Variants in LOC128092252 observed in about 807,000 individuals in gnomAD.
chr15:50,658,687 A>C, the LOC128092252 span, among the ~76,000 whole-genome samples: 3 of 152,236 alleles, frequency 2.0e-5, no homozygotes, highest in Non-Finnish European at 4.4e-5. Context: ...TACCCATCAA[A>C]ATAAAAAACG....
At chr15:50,650,947 T>C in the LOC128092252 span, among the ~76,000 whole-genome samples, 1 of 152,154 alleles carries the variant, frequency 6.6e-6, no homozygotes, top group Non-Finnish European at 1.5e-5. Context: ...CTAGTATTTT[T>C]GAAAATGGAG....
the LOC128092252 span, among the ~76,000 whole-genome samples, chr15:50,650,101 G>A: frequency 6.8e-6 from 1 of 147,310 alleles, no homozygotes; most frequent in Admixed American, 7.0e-5. Flanking sequence ...GCTGAGGCAG[G>A]AGAATCACTT....
At chr15:50,675,249 A>G in the LOC128092252 span, among the ~76,000 whole-genome samples, 8 of 152,230 alleles carry the variant, frequency 5.3e-5, no homozygotes, top group African/African-American at 1.7e-4. Flanking sequence ...AGGCTGAGGC[A>G]GGAGAATCGA....
the LOC128092252 span, among the ~76,000 whole-genome samples, chr15:50,681,928 T>A: frequency 6.6e-6 from 1 of 152,100 alleles, no homozygotes; most frequent in Non-Finnish European, 1.5e-5. Flanking sequence ...ACGCCTGTAA[T>A]CCCAGCACTT....
chr15:50,676,187 T>C, the LOC128092252 span, among the ~76,000 whole-genome samples: 1 of 152,172 alleles, frequency 6.6e-6, no homozygotes, highest in African/African-American at 2.4e-5. Flanking sequence ...CACCTTACTC[T>C]CTAAACAAAT....
the LOC128092252 span, among the ~76,000 whole-genome samples, chr15:50,654,610 G>A: frequency 6.6e-6 from 1 of 151,446 alleles, no homozygotes; most frequent in African/African-American, 2.4e-5. Context: ...GTCATAATGA[G>A]AGTGCACATG....
chr15:50,681,264 T>TACACACACAC, the LOC128092252 span, among the ~76,000 whole-genome samples: 1,384 of 147,008 alleles, frequency 9.4e-3, 17 homozygotes, highest in South Asian at 0.022. Context: ...AATAAATAAA[T>TACACACACAC]ACACACACAC....
At chr15:50,677,466 C>T in the LOC128092252 span, among the ~76,000 whole-genome samples, 3 of 152,036 alleles carry the variant, frequency 2.0e-5, no homozygotes, top group African/African-American at 7.2e-5. Context: ...AGAGGCTGGG[C>T]GTGGTGGCTC....
the LOC128092252 span, among the ~76,000 whole-genome samples, chr15:50,664,709 G>A: frequency 1.3e-5 from 2 of 152,184 alleles, no homozygotes; most frequent in Non-Finnish European, 2.9e-5. Context: ...GCTCACGCCT[G>A]TAACCCCAGC....
the LOC128092252 span, among the ~76,000 whole-genome samples, chr15:50,652,987 C>T: frequency 1.3e-5 from 2 of 152,152 alleles, no homozygotes; most frequent in African/African-American, 4.8e-5. Context: ...TGGCAAAACT[C>T]CTTCTCTACA....
the LOC128092252 span, chr15:50,662,981 G>C: frequency 2.0e-4 from 318 of 1,613,100 alleles, no homozygotes; most frequent in Admixed American, 2.0e-4. Context: ...GAGGGTCCTT[G>C]GAACTTGGTA....
the LOC128092252 span, among the ~76,000 whole-genome samples, chr15:50,681,748 T>C: frequency 2.6e-5 from 4 of 152,216 alleles, no homozygotes; most frequent in Non-Finnish European, 1.5e-5. Context: ...GCTGGATAGT[T>C]AAGGTGTTAT....
the LOC128092252 span, among the ~76,000 whole-genome samples, chr15:50,685,157 T>C: frequency 1.3e-5 from 2 of 152,240 alleles, no homozygotes; most frequent in African/African-American, 4.8e-5. Context: ...AATGTATCTT[T>C]GCAAGTTTGA....
the LOC128092252 span, among the ~76,000 whole-genome samples, chr15:50,677,951 A>G: frequency 6.6e-6 from 1 of 151,770 alleles, no homozygotes; most frequent in Non-Finnish European, 1.5e-5. Flanking sequence ...CTAAAGACCT[A>G]GAAATTGGCT....
the LOC128092252 span, among the ~76,000 whole-genome samples, chr15:50,680,672 A>C: frequency 6.6e-6 from 1 of 152,176 alleles, no homozygotes; most frequent in East Asian, 1.9e-4. Context: ...AGGTTTCATT[A>C]TCATTTGAAG....
the LOC128092252 span, among the ~76,000 whole-genome samples, chr15:50,664,966 AAAATAAAT>A: frequency 6.6e-6 from 1 of 152,216 alleles, no homozygotes; most frequent in African/African-American, 2.4e-5. Context: ...CCCTGTCTTA[AAAATAAAT>A]AAATAATCAG....
At chr15:50,673,290 G>T in the LOC128092252 span, among the ~76,000 whole-genome samples, 1 of 151,888 alleles carries the variant, frequency 6.6e-6, no homozygotes, top group East Asian at 1.9e-4. Context: ...TATTTCCATA[G>T]GTTATTGGAA....
chr15:50,662,959 G>A, the LOC128092252 span: 2 of 1,604,138 alleles, frequency 1.2e-6, no homozygotes, highest in Non-Finnish European at 8.5e-7. Flanking sequence ...TAACAAAGGT[G>A]TGCTTACCTG....
At chr15:50,670,840 A>C in the LOC128092252 span, among the ~76,000 whole-genome samples, 1 of 151,852 alleles carries the variant, frequency 6.6e-6, no homozygotes, top group African/African-American at 2.4e-5. Flanking sequence ...GAAAATAATA[A>C]GAGGATACTA....
Sources: allele counts gnomAD v4.1 joint callset (sites outside exome capture counted in the v4.1 genomes callset), GRCh38; gene constraint gnomAD v4.1.1; transcripts MANE v1.5.